FAM24B: variants seen among roughly 807,000 people sequenced by gnomAD.
FAM24B encodes the protein protein FAM24B.
In FAM24B, 3 loss-of-function variants were observed where a neutral mutation model predicts 2.3. The ratio of observed to expected loss-of-function variants is 1.29; its 90% confidence interval spans 0.59 to 3.32. FAM24B has a LOEUF of 3.32. Ranked by LOEUF, FAM24B falls within the 30% of genes most tolerant of loss-of-function variation. The pLI is 0.03. For synonymous variants in FAM24B, 36 were observed against 46.3 expected, an observed-to-expected ratio of 0.78 and a Z score of 0.90; for missense variants, 98 against 117.2, an observed-to-expected ratio of 0.84 and a Z score of 0.76.
intron 1 of FAM24B, among the ~76,000 whole-genome samples, chr10:122,867,714 A>C (rs1433597746): frequency 6.6e-6 from 1 of 152,242 alleles, no homozygotes; most frequent in Non-Finnish European, 1.5e-5. Context: ...ACTCCAACAG[A>C]CTTGCAGCTG....
chr10:122,861,756 A>G (rs1847728443), intron 1 of FAM24B, among the ~76,000 whole-genome samples: 1 of 152,208 alleles, frequency 6.6e-6, no homozygotes, highest in Non-Finnish European at 1.5e-5. Context: ...GCTGGTACAC[A>G]TGAGCAGTGA....
intron 2 of FAM24B, 152 bp from the exon 3 acceptor site, chr10:122,850,702 G>A: frequency 1.9e-6 from 1 of 532,856 alleles, no homozygotes; most frequent in Non-Finnish European, 3.4e-6. Context: ...GGCGGCCTAG[G>A]ATCCCAAGCT....
intron 1 of FAM24B, among the ~76,000 whole-genome samples, chr10:122,872,469 A>C (rs915611684): frequency 7.9e-5 from 12 of 152,378 alleles, no homozygotes; most frequent in Middle Eastern, 6.8e-3. Context: ...TCATGCTGCT[A>C]TAAAGACACA....
intron 1 of FAM24B, among the ~76,000 whole-genome samples, chr10:122,875,697 A>G (rs1000276702): frequency 6.6e-6 from 1 of 152,134 alleles, no homozygotes; most frequent in African/African-American, 2.4e-5. Context: ...AATAAAATGT[A>G]GTCTGATAAT....
At chr10:122,849,824 T>G (rs113107630) in intron 3 of FAM24B, among the ~76,000 whole-genome samples, 4 of 152,196 alleles carry the variant, frequency 2.6e-5, no homozygotes, top group African/African-American at 9.6e-5. Flanking sequence ...TCTCTGGTAC[T>G]TAAAGGGTCT....
intron 2 of FAM24B, among the ~76,000 whole-genome samples, chr10:122,854,211 G>A (rs954423011): frequency 3.9e-5 from 6 of 152,174 alleles, no homozygotes; most frequent in African/African-American, 1.4e-4. Context: ...TACATTGCTT[G>A]TAAGTCACCA....
At chr10:122,867,612 G>C (rs1372018604) in intron 1 of FAM24B, among the ~76,000 whole-genome samples, 2 of 152,172 alleles carry the variant, frequency 1.3e-5, no homozygotes, top group African/African-American at 4.8e-5. Flanking sequence ...AAACGAACAG[G>C]CAGCAGCATT....
chr10:122,857,245 C>T (rs1847654802), intron 1 of FAM24B, among the ~76,000 whole-genome samples: 1 of 152,170 alleles, frequency 6.6e-6, no homozygotes, highest in Non-Finnish European at 1.5e-5. Flanking sequence ...AACCTAGACA[C>T]AAGAGTGACA....
At chr10:122,872,842 C>T (rs543701845) in intron 1 of FAM24B, among the ~76,000 whole-genome samples, 82 of 152,106 alleles carry the variant, frequency 5.4e-4, no homozygotes, top group African/African-American at 2.0e-3. Context: ...TGTTAAATGA[C>T]GAGTTAATGG....
At chr10:122,853,602 T>A (rs1444828725) in intron 2 of FAM24B, among the ~76,000 whole-genome samples, 1 of 152,104 alleles carries the variant, frequency 6.6e-6, no homozygotes, top group Non-Finnish European at 1.5e-5. Context: ...GAAATTTGAA[T>A]TGTTGACTAG....
chr10:122,853,701 G>A (rs1847586826), intron 2 of FAM24B, among the ~76,000 whole-genome samples: 2 of 152,124 alleles, frequency 1.3e-5, no homozygotes, highest in African/African-American at 4.8e-5. Context: ...ATCAGCCTTG[G>A]CAATATGGTG....
At chr10:122,849,578 C>T (rs1167387103) in intron 3 of FAM24B, 139 bp from the exon 4 acceptor site, 4 of 653,110 alleles carry the variant, frequency 6.1e-6, no homozygotes, top group Non-Finnish European at 2.5e-6. Flanking sequence ...AAAGCTCTCT[C>T]CCCCATCCCA....
intron 1 of FAM24B, among the ~76,000 whole-genome samples, chr10:122,866,835 T>C (rs559294624): frequency 2.0e-5 from 3 of 152,234 alleles, no homozygotes; most frequent in South Asian, 2.1e-4. Context: ...TTAATACCCC[T>C]ACAATGGTCT....
intron 1 of FAM24B, among the ~76,000 whole-genome samples, chr10:122,870,290 A>G (rs939654528): frequency 1.3e-5 from 2 of 152,208 alleles, no homozygotes; most frequent in African/African-American, 4.8e-5. Context: ...TGAGGCAATA[A>G]TTAATAGCTT....
chr10:122,873,550 C>T (rs939289893), intron 1 of FAM24B, among the ~76,000 whole-genome samples: 2 of 152,242 alleles, frequency 1.3e-5, no homozygotes, highest in African/African-American at 4.8e-5. Flanking sequence ...ACACAACATC[C>T]ATTCCGCAGC....
chr10:122,879,071 C>T (rs1848028204), intron 1 of FAM24B, among the ~76,000 whole-genome samples: 1 of 152,180 alleles, frequency 6.6e-6, no homozygotes, highest in Non-Finnish European at 1.5e-5. Flanking sequence ...ACTTCCTATT[C>T]CATGGGGCAT....
At chr10:122,876,570 C>T (rs1464919749) in intron 1 of FAM24B, among the ~76,000 whole-genome samples, 1 of 152,200 alleles carries the variant, frequency 6.6e-6, no homozygotes, top group East Asian at 1.9e-4. Flanking sequence ...CAAGCTAACT[C>T]ACACTCAGCA....
rs141605986 is a variant in FAM24B at position 122,850,585 on chromosome 10, C to G, written c.-35-35G>C. 9 of 1,074,042 alleles carry G rather than the reference C, an allele frequency of 8.4e-6. No individual in the cohort carries two copies. The African/African-American group carries it at 9.3e-5, about 11-fold the overall frequency. 66.5% of individuals were successfully genotyped at this position (1,074,042 alleles called of 1,614,324 possible). On this transcript the variant is annotated intron_variant, in intron 2 of 3. Coordinates refer to ENST00000368898, the MANE Select transcript of FAM24B (RefSeq NM_152644.3). ...TAAGTGCAAGCAAGCACTGAGCCCA[C>G]GTGGTCTCCCTCCCCACACAACCAC... is the stretch of plus-strand genomic sequence containing the variant.
intron 1 of FAM24B, among the ~76,000 whole-genome samples, chr10:122,867,731 CT>C (rs1241887463): frequency 6.6e-6 from 1 of 152,134 alleles, no homozygotes; most frequent in Non-Finnish European, 1.5e-5. Flanking sequence ...GCTGAGGGTC[CT>C]GAGAGTTAGA....
Sources: allele counts gnomAD v4.1 joint callset (sites outside exome capture counted in the v4.1 genomes callset), GRCh38; gene constraint gnomAD v4.1.1; transcripts MANE v1.5; gene names NCBI Gene and HGNC (gene_info 2026-07-23, HGNC 2026-07-21).